RBL1: variants seen among roughly 807,000 people sequenced by gnomAD.
The protein encoded by RBL1 is RB transcriptional corepressor like 1, also known as retinoblastoma-like protein 1.
Under a neutral mutation model 123.0 loss-of-function variants are expected in RBL1, and 82 were observed. That is an observed-to-expected ratio of 0.67 (90% CI 0.56 to 0.80). RBL1 has a LOEUF of 0.80. RBL1 is among the 30% of genes least tolerant of loss of function. The probability of loss-of-function intolerance (pLI) is 0.00; values close to 1 mark genes in which losing one functional copy is unlikely to be tolerated. For missense variants in RBL1, 1,171 were observed against 1,299.6 expected (o/e 0.90, Z 1.52); for synonymous variants, 405 against 441.3 (o/e 0.92, Z 1.03).
At chr20:37,060,621 C>T (rs999634782) in intron 9 of RBL1, among the ~76,000 whole-genome samples, 1 of 151,866 alleles carries the variant, frequency 6.6e-6, no homozygotes, top group South Asian at 2.1e-4. Context: ...CCTGTCTCTA[C>T]AAAAAATATA....
intron 2 of RBL1, among the ~76,000 whole-genome samples, chr20:37,069,620 A>G (rs1187208123): frequency 2.0e-5 from 3 of 147,078 alleles, no homozygotes; most frequent in African/African-American, 7.6e-5. Context: ...CCGTCTGAGA[A>G]GTGAGGAGCC....
chr20:37,045,676 C>G (rs529810885), intron 12 of RBL1, among the ~76,000 whole-genome samples: 5 of 152,206 alleles, frequency 3.3e-5, no homozygotes, highest in African/African-American at 1.2e-4. Flanking sequence ...CAAAACTAAA[C>G]TTTTTCCTAA....
intron 12 of RBL1, among the ~76,000 whole-genome samples, chr20:37,046,641 C>T (rs563705618): frequency 2.1e-4 from 31 of 148,574 alleles, no homozygotes; most frequent in African/African-American, 7.0e-4. Context: ...GAATTTTGCT[C>T]CTGTCGTCTA....
At position 37,023,871 on chromosome 20, in the gene RBL1, G is replaced by A. The variant is rs1027858926; in HGVS notation, c.2383-1045C>T. Among the ~76,000 whole-genome samples, 19 of 144,370 alleles carry A rather than the reference G, an allele frequency of 1.3e-4. No individual in the cohort carries two copies. In the East Asian group the frequency reaches 3.2e-3, roughly 25 times the overall value. 94.7% of individuals were successfully genotyped at this position (144,370 alleles called of 152,430 possible). ...TTGGCTCACTGCAACCTCCACCTCC[G>A]GGCTCAAGTGATGCTTGTGTCTCAG... On this transcript the variant is annotated intron_variant, in intron 16 of 21. Transcript: ENST00000373664.
intron 20 of RBL1, among the ~76,000 whole-genome samples, chr20:37,005,080 A>C (rs941301566): frequency 6.6e-6 from 1 of 152,068 alleles, no homozygotes; most frequent in Non-Finnish European, 1.5e-5. Context: ...CCAGGAGTTA[A>C]GCCACGAGCA....
chr20:37,085,218 G>A (rs937751244), intron 2 of RBL1, among the ~76,000 whole-genome samples: 4 of 144,814 alleles, frequency 2.8e-5, no homozygotes, highest in Admixed American at 1.4e-4. Flanking sequence ...TGCAACCTTC[G>A]CCTCCCTGGG....
In RBL1 at chr20:37,035,690, C is replaced by T. The variant is rs191823345; in HGVS notation, c.1904-182G>A. On this transcript the variant is annotated intron_variant, in intron 14 of 21. Coordinates refer to ENST00000373664, the MANE Select transcript of RBL1 (RefSeq NM_002895.5). The stretch of plus-strand genomic sequence containing the variant: ...GAAAGAGGCATGAAATAAGTCACTA[C>T]GATAAAACGTGAAAATTATGATCAC... Among the ~76,000 whole-genome samples the T allele has an allele frequency of 5.9e-5, 9 of 152,256 alleles. No individual in the cohort carries two copies. The East Asian group carries it at 7.7e-4, about 13-fold the overall frequency.
rs542686244 is a variant in RBL1 at position 37,031,531 on chromosome 20, AAAAC to A, written c.2382+1130_2382+1133del. ...TACCCATTGGATGGCCATTATCAAA[AAAAC>A]AAACAAACCAGAAAACACGAAACGT... On this transcript the variant is annotated intron_variant, in intron 16 of 21. Coordinates refer to ENST00000373664, the MANE Select transcript of RBL1 (RefSeq NM_002895.5). Among the ~76,000 whole-genome samples the A allele has an allele frequency of 1.7e-3, 260 of 152,336 alleles. 2 individuals carry two copies. Among genetic ancestry groups the A allele is most frequent in the African/African-American group, 5.7e-3 (237 of 41,596 alleles).
intron 16 of RBL1, 95 bp downstream of exon 16, chr20:37,032,570 T>C (rs2064530333): frequency 1.3e-6 from 2 of 1,539,182 alleles, no homozygotes; most frequent in African/African-American, 1.4e-5. Flanking sequence ...GTGTTATGTA[T>C]ATTAGAAAAA....
Position 37,010,471 on chromosome 20 carries a change from A to AT in RBL1, c.2723-2913dup, listed in dbSNP as rs201633318. Among the ~76,000 whole-genome samples, 821 of 152,206 alleles carry AT rather than the reference A, an allele frequency of 5.4e-3. 8 individuals carry two copies. The highest frequency in any genetic ancestry group is 0.019 in the African/African-American group (779 of 41,550). On this transcript the variant is annotated intron_variant, in intron 19 of 21. Coordinates refer to ENST00000373664, the MANE Select transcript of RBL1 (RefSeq NM_002895.5). Reference sequence around the variant, plus strand: ...TTCTCAGAAATGCATTGTTGAAATGATTTTGTCATGAGAATACTATAGAAT... The same window carrying AT: ...TTCTCAGAAATGCATTGTTGAAATGATTTTTGTCATGAGAATACTATAGAAT...
chr20:37,087,333 C>CAAA (rs79340550), intron 2 of RBL1, among the ~76,000 whole-genome samples: 1 of 135,186 alleles, frequency 7.4e-6, no homozygotes. Flanking sequence ...GACTCTGTCC[C>CAAA]AAAAAAAAAA....
intron 7 of RBL1, among the ~76,000 whole-genome samples, chr20:37,065,069 C>T (rs1324443305): frequency 6.6e-6 from 1 of 151,786 alleles, no homozygotes; most frequent in South Asian, 2.1e-4. Flanking sequence ...GTAGCTGGGA[C>T]CACAGGCTCA....
At chr20:37,044,462 C>T (rs771710995) in intron 12 of RBL1, among the ~76,000 whole-genome samples, 2 of 151,998 alleles carry the variant, frequency 1.3e-5, no homozygotes, top group Admixed American at 6.6e-5. Context: ...CTCAGCCTCC[C>T]GAGTAGCTGG....
At chr20:37,092,115 C>T (rs868315332) in intron 1 of RBL1, among the ~76,000 whole-genome samples, 9 of 151,796 alleles carry the variant, frequency 5.9e-5, no homozygotes, top group African/African-American at 1.2e-4. Context: ...TGGTGGTATG[C>T]GCCTGTAGTC....
intron 2 of RBL1, 74 bp downstream of exon 2, chr20:37,088,915 G>T (rs1257782212): frequency 2.0e-6 from 2 of 1,019,992 alleles, no homozygotes; most frequent in East Asian, 2.9e-5. Flanking sequence ...GAAGTCAAAT[G>T]ATCTCAAAAC....
intron 12 of RBL1, among the ~76,000 whole-genome samples, chr20:37,045,793 A>T (rs1191720992): frequency 6.6e-6 from 1 of 152,210 alleles, no homozygotes; most frequent in Non-Finnish European, 1.5e-5. Context: ...ATTCACACAG[A>T]TAAGCTTTCC....
At chr20:37,002,121 C>T (rs1049889383) in intron 21 of RBL1, among the ~76,000 whole-genome samples, 2 of 151,928 alleles carry the variant, frequency 1.3e-5, no homozygotes, top group South Asian at 4.1e-4. Context: ...CAAGCTCTGC[C>T]TCCTGGGCTC....
intron 11 of RBL1, among the ~76,000 whole-genome samples, chr20:37,051,296 A>C (rs2064908059): frequency 6.6e-6 from 1 of 151,976 alleles, no homozygotes; most frequent in African/African-American, 2.4e-5. Flanking sequence ...ATCCTGCCTC[A>C]GCCTCTCCCA....
intron 2 of RBL1, among the ~76,000 whole-genome samples, chr20:37,081,558 T>C (rs555789534): frequency 1.3e-5 from 2 of 152,258 alleles, no homozygotes; most frequent in East Asian, 3.9e-4. Context: ...CTTAGGTCAC[T>C]GAGGCAAGAG....
Sources: allele counts gnomAD v4.1 joint callset (sites outside exome capture counted in the v4.1 genomes callset), GRCh38; gene constraint gnomAD v4.1.1; transcripts MANE v1.5; gene names NCBI Gene and HGNC (gene_info 2026-07-23, HGNC 2026-07-21).